The following PDE4D variants were observed in gnomAD, a reference collection of about 807,000 sequenced individuals.
PDE4D encodes phosphodiesterase 4D, also known as 3',5'-cyclic-AMP phosphodiesterase 4D.
PDE4D carries 24 observed loss-of-function variants against 87.4 expected under a neutral mutation model. The observed-to-expected ratio is 0.27, with a 90% CI of 0.20 to 0.39. The LOEUF is 0.39. Ranked by LOEUF, PDE4D falls within the 10% of genes least tolerant of loss-of-function variation. PDE4D has a pLI of 1.00. For synonymous variants in PDE4D, 384 were observed against 383.2 expected (o/e 1.00, Z -0.02); for missense variants, 714 against 1,041.0 (o/e 0.69, Z 4.32).
intron 1 of PDE4D, among the ~76,000 whole-genome samples, chr5:59,270,315 C>T (rs907820811): frequency 8.5e-5 from 13 of 152,080 alleles, no homozygotes; most frequent in African/African-American, 2.6e-4. Flanking sequence ...CATTTGTTTG[C>T]GTATTTACAA....
At chr5:60,188,437 C>T (rs1784948287) in intron 1 of PDE4D, 1 of 152,120 alleles carries the variant, frequency 6.6e-6, no homozygotes, top group African/African-American at 2.4e-5. Context: ...AAGAAGACAA[C>T]CAGTTGCACG....
At chr5:60,144,496 A>C (rs1252485920) in intron 2 of PDE4D, among the ~76,000 whole-genome samples, 5 of 152,248 alleles carry the variant, frequency 3.3e-5, no homozygotes, top group Non-Finnish European at 1.5e-5. Context: ...AGTGCACAGC[A>C]GTAAGATGAT....
At chr5:60,333,824 T>G (rs945545596) in intron 1 of PDE4D, among the ~76,000 whole-genome samples, 12 of 151,892 alleles carry the variant, frequency 7.9e-5, no homozygotes, top group Admixed American at 2.0e-4. Flanking sequence ...AAACTTCAGG[T>G]TTTTTTTCAA....
chr5:60,366,457 C>T (rs1760552327), intron 1 of PDE4D, among the ~76,000 whole-genome samples: 1 of 152,162 alleles, frequency 6.6e-6, no homozygotes, highest in Non-Finnish European at 1.5e-5. Flanking sequence ...AAGTAAAACA[C>T]ATATAATGTT....
chr5:60,073,676 T>G (rs1363306389), intron 2 of PDE4D, among the ~76,000 whole-genome samples: 1 of 152,072 alleles, frequency 6.6e-6, no homozygotes, highest in Admixed American at 6.6e-5. Context: ...GGCTATTTAC[T>G]GATAAATTTA....
intron 1 of PDE4D, among the ~76,000 whole-genome samples, chr5:59,244,873 C>G (rs1237321137): frequency 6.6e-6 from 1 of 151,048 alleles, no homozygotes; most frequent in Non-Finnish European, 1.5e-5. Flanking sequence ...TAAACCAACA[C>G]GTTTTAATGA....
chr5:60,365,827 T>C (rs78504687), intron 1 of PDE4D, among the ~76,000 whole-genome samples: 6,115 of 152,154 alleles, frequency 0.04, 148 homozygotes, highest in Middle Eastern at 0.082. Flanking sequence ...GTGGGTTACC[T>C]GAGTTCAGGA....
chr5:59,078,302 C>T (rs561984944), intron 5 of PDE4D, among the ~76,000 whole-genome samples: 28 of 152,060 alleles, frequency 1.8e-4, no homozygotes, highest in Non-Finnish European at 2.9e-4. Context: ...ATCTCCAAAA[C>T]ATAGTAAGTG....
intron 1 of PDE4D, among the ~76,000 whole-genome samples, chr5:59,348,935 G>A (rs2153585652): frequency 6.6e-6 from 1 of 151,844 alleles, no homozygotes; most frequent in African/African-American, 2.4e-5. Flanking sequence ...TATTTTTTAA[G>A]CCAGGAATGG....
At chr5:60,517,662 G>A (rs961518564) in intron 1 of PDE4D, among the ~76,000 whole-genome samples, 5 of 127,440 alleles carry the variant, frequency 3.9e-5, no homozygotes, top group African/African-American at 8.6e-5. Context: ...CCTCTCTCTT[G>A]AGAGCTGCAG....
At chr5:59,675,180 A>T (rs1747859481) in intron 1 of PDE4D, among the ~76,000 whole-genome samples, 1 of 59,270 alleles carries the variant, frequency 1.7e-5, no homozygotes, top group African/African-American at 6.1e-5. Context: ...CTGAATTGTG[A>T]TTCAAATCTA....
At chr5:60,211,186 C>G (rs963148136) in intron 1 of PDE4D, among the ~76,000 whole-genome samples, 10 of 152,196 alleles carry the variant, frequency 6.6e-5, no homozygotes, top group African/African-American at 2.4e-4. Context: ...AAACACAGCT[C>G]CTAATACATT....
intron 1 of PDE4D, among the ~76,000 whole-genome samples, chr5:59,508,495 G>C (rs796161375): frequency 7.9e-5 from 12 of 151,924 alleles, no homozygotes; most frequent in African/African-American, 2.9e-4. Flanking sequence ...TTTCAACACA[G>C]ATAATTTCCA....
At chr5:59,300,956 G>A (rs1770118656) in intron 1 of PDE4D, among the ~76,000 whole-genome samples, 4 of 152,138 alleles carry the variant, frequency 2.6e-5, no homozygotes, top group African/African-American at 9.7e-5. Flanking sequence ...TTATTATAAA[G>A]GATATTGCAA....
chr5:59,546,179 C>G (rs1347365059), intron 1 of PDE4D, among the ~76,000 whole-genome samples: 1 of 151,992 alleles, frequency 6.6e-6, no homozygotes, highest in African/African-American at 2.4e-5. Flanking sequence ...ATTTTAGGAG[C>G]TCATAGAAAT....
At chr5:60,210,297 C>T (rs1166032875) in intron 1 of PDE4D, among the ~76,000 whole-genome samples, 1 of 151,602 alleles carries the variant, frequency 6.6e-6, no homozygotes, top group African/African-American at 2.4e-5. Context: ...ATATATAAAT[C>T]CTCAAGCTTT....
intron 1 of PDE4D, among the ~76,000 whole-genome samples, chr5:59,869,620 C>A (rs576962081): frequency 6.0e-4 from 91 of 152,232 alleles, no homozygotes; most frequent in African/African-American, 2.1e-3. Context: ...GGTGGCCTTG[C>A]ATCTAGCATA....
chr5:59,737,533 C>T (rs1185912587), intron 1 of PDE4D, among the ~76,000 whole-genome samples: 1 of 151,886 alleles, frequency 6.6e-6, no homozygotes, highest in Non-Finnish European at 1.5e-5. Context: ...ATCTAATAGG[C>T]CACGGTATTG....
intron 2 of PDE4D, among the ~76,000 whole-genome samples, chr5:59,210,020 A>T (rs1029776398): frequency 1.3e-5 from 2 of 152,184 alleles, no homozygotes; most frequent in Non-Finnish European, 2.9e-5. Flanking sequence ...CCACAGGGTG[A>T]GGGGTGAGGA....
Sources: allele counts gnomAD v4.1 joint callset (sites outside exome capture counted in the v4.1 genomes callset), GRCh38; gene constraint gnomAD v4.1.1; transcripts MANE v1.5; gene names NCBI Gene and HGNC (gene_info 2026-07-23, HGNC 2026-07-21).